Variants in KCNIP4 observed in about 807,000 individuals in gnomAD.
KCNIP4 encodes potassium voltage-gated channel interacting protein 4, also known as Kv channel-interacting protein 4.
Under a neutral mutation model 34.0 loss-of-function variants are expected in KCNIP4, and 12 were observed. The observed-to-expected ratio is 0.35, with a 90% CI of 0.23 to 0.57. The LOEUF (loss-of-function observed/expected upper bound fraction) is 0.57. Ranked by LOEUF, KCNIP4 falls within the 20% of genes least tolerant of loss-of-function variation. The pLI is 0.83. For synonymous variants in KCNIP4, 124 were observed against 102.2 expected (o/e 1.21, Z -1.29); for missense variants, 238 against 311.7 (o/e 0.76, Z 1.78).
At chr4:21,455,808 C>CATATATATATATAT (rs1171436191) in intron 1 of KCNIP4, among the ~76,000 whole-genome samples, 1 of 71,906 alleles carries the variant, frequency 1.4e-5, no homozygotes, top group African/African-American at 7.5e-5. Flanking sequence ...TACAGATATT[C>CATATATATATATAT]ATATATATAT....
intron 1 of KCNIP4, among the ~76,000 whole-genome samples, chr4:21,589,711 CT>C (rs1463760608): frequency 6.6e-6 from 1 of 151,926 alleles, no homozygotes; most frequent in Non-Finnish European, 1.5e-5. Flanking sequence ...CTTCATGACA[CT>C]CTTCACAAGT....
At position 21,319,456 on chromosome 4, in the gene KCNIP4, A is replaced by G. The variant is rs559640299; in HGVS notation, c.62-436747T>C. Among the ~76,000 whole-genome samples the G allele has an allele frequency of 2.0e-5, 3 of 152,348 alleles. No individual in the cohort carries two copies. The East Asian group carries it at 5.8e-4, about 29-fold the overall frequency. ...CCTAGTACCTGCCTCTCAATTACCC[A>G]GAATCTTTTCCTAGAAACTCTTCTA... On this transcript the variant is annotated intron_variant, in intron 1 of 8. Transcript: ENST00000382152.
intron 1 of KCNIP4, among the ~76,000 whole-genome samples, chr4:21,361,655 T>C (rs2109407825): frequency 1.3e-5 from 2 of 151,714 alleles, no homozygotes; most frequent in East Asian, 3.9e-4. Flanking sequence ...GAATCTTAAA[T>C]CCTAAAGTCT....
At chr4:21,293,221 A>T (rs1763642059) in intron 1 of KCNIP4, among the ~76,000 whole-genome samples, 1 of 152,220 alleles carries the variant, frequency 6.6e-6, no homozygotes, top group African/African-American at 2.4e-5. Flanking sequence ...GCTACCTTCC[A>T]TTCATCTCTA....
chr4:21,045,185 A>G (rs1350172242), intron 1 of KCNIP4, among the ~76,000 whole-genome samples: 2 of 152,208 alleles, frequency 1.3e-5, no homozygotes, highest in African/African-American at 4.8e-5. Context: ...TCCCTCTTTT[A>G]TTCTTGCAAA....
rs531542440 is a variant in KCNIP4, at chr4:21,471,069, T to A, written c.61+477502A>T. Among the ~76,000 whole-genome samples the A allele has an allele frequency of 9.9e-5, 15 of 152,142 alleles. No individual in the cohort carries two copies. In the South Asian group the frequency reaches 3.1e-3, roughly 32 times the overall value. Reference sequence around the variant, plus strand: ...AAAATAGGCATATCTAGGGGTGGGGTCTAGAAATCTCTGTTTTAACAAGGC... The same window carrying A: ...AAAATAGGCATATCTAGGGGTGGGGACTAGAAATCTCTGTTTTAACAAGGC... On this transcript the variant is annotated intron_variant, in intron 1 of 8. Coordinates refer to ENST00000382152, the MANE Select transcript of KCNIP4 (RefSeq NM_025221.6).
chr4:21,468,928 C>T (rs1730222864), intron 1 of KCNIP4, among the ~76,000 whole-genome samples: 1 of 152,184 alleles, frequency 6.6e-6, no homozygotes, highest in Non-Finnish European at 1.5e-5. Flanking sequence ...ACTGTTTACA[C>T]ACAGCAGTGA....
At chr4:21,328,716 G>GCC (rs1715329470) in intron 1 of KCNIP4, among the ~76,000 whole-genome samples, 1 of 152,214 alleles carries the variant, frequency 6.6e-6, no homozygotes, top group Non-Finnish European at 1.5e-5. Context: ...ACATCCAGGA[G>GCC]CCAGGGCCTG....
chr4:21,457,871 A>G (rs1729098040), intron 1 of KCNIP4, among the ~76,000 whole-genome samples: 1 of 152,070 alleles, frequency 6.6e-6, no homozygotes. Context: ...ACATACACAC[A>G]TACAAAAATA....
chr4:21,807,203 T>G (rs1207066879), intron 1 of KCNIP4, among the ~76,000 whole-genome samples: 1 of 152,316 alleles, frequency 6.6e-6, no homozygotes, highest in African/African-American at 2.4e-5. Context: ...ATGCAAGCAA[T>G]GAGGAGCAGC....
At chr4:21,550,468 T>C (rs1738488919) in intron 1 of KCNIP4, among the ~76,000 whole-genome samples, 1 of 152,070 alleles carries the variant, frequency 6.6e-6, no homozygotes, top group African/African-American at 2.4e-5. Context: ...ATCGAAAATT[T>C]CTCTTTAGTA....
chr4:20,963,576 C>T lies in KCNIP4; in HGVS notation c.62-80867G>A, dbSNP rs191606633. On this transcript the variant is annotated intron_variant, in intron 1 of 8. Transcript: ENST00000382152. Reference sequence around the variant, plus strand: ...ACTATGGATTAAAAAAAAAGTAGTGCATGTTTCTCACATTCAAGAAGCTTT... The same window carrying T: ...ACTATGGATTAAAAAAAAAGTAGTGTATGTTTCTCACATTCAAGAAGCTTT... Among the ~76,000 whole-genome samples the T allele has an allele frequency of 7.9e-5, 12 of 152,012 alleles. No homozygotes were observed. The East Asian group carries it at 2.3e-3, about 29-fold the overall frequency.
At chr4:21,379,062 A>T (rs1354398421) in intron 1 of KCNIP4, among the ~76,000 whole-genome samples, 1 of 152,190 alleles carries the variant, frequency 6.6e-6, no homozygotes, top group Admixed American at 6.5e-5. Flanking sequence ...AATATATCAT[A>T]CTGTGAGATT....
At chr4:21,604,240 A>C (rs1743453410) in intron 1 of KCNIP4, among the ~76,000 whole-genome samples, 1 of 152,166 alleles carries the variant, frequency 6.6e-6, no homozygotes, top group South Asian at 2.1e-4. Flanking sequence ...CTTAAAGCCC[A>C]TTAAATTGTT....
At chr4:21,821,350 G>T (rs530339950) in intron 1 of KCNIP4, among the ~76,000 whole-genome samples, 1 of 152,184 alleles carries the variant, frequency 6.6e-6, no homozygotes, top group African/African-American at 2.4e-5. Context: ...AGATTCCCAT[G>T]AAATATATTT....
chr4:20,861,954 G>A (rs1010292327), intron 2 of KCNIP4, among the ~76,000 whole-genome samples: 2 of 147,078 alleles, frequency 1.4e-5, no homozygotes, highest in African/African-American at 5.0e-5. Context: ...ATCATGAATG[G>A]CCCCTTATGG....
chr4:20,945,365 G>A (rs903440081), intron 1 of KCNIP4, among the ~76,000 whole-genome samples: 5 of 152,114 alleles, frequency 3.3e-5, no homozygotes, highest in Admixed American at 1.3e-4. Context: ...TCCAGGACTC[G>A]AATTCAGTTG....
intron 5 of KCNIP4, among the ~76,000 whole-genome samples, chr4:20,746,799 T>C (rs1300289377): frequency 3.3e-5 from 5 of 152,168 alleles, no homozygotes; most frequent in Non-Finnish European, 7.3e-5. Flanking sequence ...CTATCATATT[T>C]CTTCTGCCTT....
intron 1 of KCNIP4, among the ~76,000 whole-genome samples, chr4:21,253,098 G>C (rs78963086): frequency 0.022 from 3,300 of 152,272 alleles, 88 homozygotes; most frequent in East Asian, 0.16. Flanking sequence ...ACATCAATGA[G>C]TGTTTCATAG....
Sources: allele counts gnomAD v4.1 joint callset (sites outside exome capture counted in the v4.1 genomes callset), GRCh38; gene constraint gnomAD v4.1.1; transcripts MANE v1.5; gene names NCBI Gene and HGNC (gene_info 2026-07-23, HGNC 2026-07-21).